The following AGAP1 variants were observed in gnomAD, a reference collection of about 807,000 sequenced individuals.
AGAP1 encodes the protein arf-GAP with GTPase, ANK repeat and PH domain-containing protein 1.
A neutral mutation model predicts 105.3 loss-of-function variants in AGAP1; 29 were observed. That is an observed-to-expected ratio of 0.28 (90% confidence interval 0.21 to 0.38). AGAP1 has a LOEUF of 0.38. AGAP1 is among the 10% of genes least tolerant of loss of function. The pLI, the probability that AGAP1 is intolerant of heterozygous loss-of-function variation, is 1.00. For synonymous variants in AGAP1, 509 were observed against 485.9 expected (o/e 1.05, Z -0.63); for missense variants, 998 against 1,165.1 (o/e 0.86, Z 2.09).
At position 235,586,552 on chromosome 2, in the gene AGAP1, A is replaced by T. The variant is rs536000778; in HGVS notation, c.163+91703A>T. On this transcript the variant is annotated intron_variant, in intron 1 of 17. Transcript: ENST00000304032. The surrounding 1 kb of genome is among the most constrained non-coding windows in gnomAD (Gnocchi z 4.2). The stretch of plus-strand genomic sequence containing the variant: ...TCCATGCAGAGGCTGACTCCAGAGG[A>T]TGCTGTGCACAGGCCTGTGTGACCT... 2.6e-5 allele frequency among the ~76,000 whole-genome samples: 4 copies of T among 152,272 alleles called. No homozygotes were observed. In the East Asian group the frequency reaches 5.8e-4, roughly 22 times the overall value.
rs1336149245 is a variant in AGAP1, at chr2:236,119,118, C to T, written c.2115-1074C>T. 1.3e-5 allele frequency among the ~76,000 whole-genome samples: 2 copies of T among 152,140 alleles called. No individual in the cohort carries two copies. The highest frequency in any genetic ancestry group is 6.5e-5 in the Admixed American group (1 of 15,282). ...CCCCAGGAGGAGACCATGTATTACA[C>T]TGGCCAGGTCGGGCAGCCCCATCTC... On this transcript the variant is annotated intron_variant, in intron 16 of 17. Transcript: ENST00000304032. This position sits in a 1 kb window ranked among gnomAD's most constrained non-coding sequence, Gnocchi z 6.6.
In AGAP1 at chr2:236,096,594, T is replaced by A. The variant is rs1308967200; in HGVS notation, c.2115-23598T>A. ...TATTTTTTATTTATTTTTTATTTTT[T>A]TGGGACAGAGTCTCGCTCTTGTCAC... On this transcript the variant is annotated intron_variant, in intron 16 of 17. Transcript: ENST00000304032. The surrounding 1 kb of genome is among the most constrained non-coding windows in gnomAD (Gnocchi z 4.4). 6.6e-6 allele frequency among the ~76,000 whole-genome samples: 1 copy of A among 152,032 alleles called. No homozygotes were observed. Among genetic ancestry groups the A allele is most frequent in the Admixed American group, 6.6e-5 (1 of 15,264 alleles).
At chr2:236,052,278 G>A (rs959905611) in intron 16 of AGAP1, among the ~76,000 whole-genome samples, 6 of 152,216 alleles carry the variant, frequency 3.9e-5, no homozygotes, top group Non-Finnish European at 8.8e-5. Context: ...CATTCTGACA[G>A]TGGAATATAA....
chr2:235,968,822 C>T (rs1335473469), intron 13 of AGAP1, among the ~76,000 whole-genome samples, 199 bp downstream of exon 13: 1 of 152,186 alleles, frequency 6.6e-6, no homozygotes, highest in Non-Finnish European at 1.5e-5. Context: ...TATTACGCAA[C>T]CAAATCTGCT....
chr2:235,702,946 T>TTTTTTTTTTTTTTTTTTTTTTTTTTTG, intron 1 of AGAP1, among the ~76,000 whole-genome samples: 1 of 146,848 alleles, frequency 6.8e-6, no homozygotes, highest in Non-Finnish European at 1.5e-5. Flanking sequence ...TTTTTTTTTT[T>TTTTTTTTTTTTTTTTTTTTTTTTTTTG]GGACAGAGTC....
At chr2:235,537,660 TGTA>T (rs757319396) in intron 1 of AGAP1, among the ~76,000 whole-genome samples, 3 of 152,354 alleles carry the variant, frequency 2.0e-5, no homozygotes, top group Admixed American at 1.3e-4. Flanking sequence ...ATATTGATCC[TGTA>T]GTGCTTTCAC....
intron 1 of AGAP1, among the ~76,000 whole-genome samples, chr2:235,680,062 TTAGA>T (rs1352296417): frequency 1.1e-4 from 16 of 152,324 alleles, no homozygotes; most frequent in Admixed American, 3.9e-4. Flanking sequence ...TGTTACAAAC[TTAGA>T]TAGTGGTTGA....
At position 235,663,548 on chromosome 2, in the gene AGAP1, G is replaced by C. The variant is rs912332455; in HGVS notation, c.164-45631G>C. ...GTAAAATCACGCTCTTCCAGAAGCT[G>C]GGCTTTGTAATGGGGCTGGCAAAAA... On this transcript the variant is annotated intron_variant, in intron 1 of 17. Coordinates refer to ENST00000304032, the MANE Select transcript of AGAP1 (RefSeq NM_001037131.3). This position sits in a 1 kb window ranked among gnomAD's most constrained non-coding sequence, Gnocchi z 5.4. 6.6e-6 allele frequency among the ~76,000 whole-genome samples: 1 copy of C among 152,188 alleles called. No individual in the cohort carries two copies. Among genetic ancestry groups the C allele is most frequent in the African/African-American group, 2.4e-5 (1 of 41,436 alleles).
At chr2:235,521,134 G>A (rs1942596877) in intron 1 of AGAP1, among the ~76,000 whole-genome samples, 1 of 152,202 alleles carries the variant, frequency 6.6e-6, no homozygotes, top group African/African-American at 2.4e-5. Context: ...GCTTCCAACA[G>A]TGTGACCACC....
Position 236,120,675 on chromosome 2 carries a change from G to A in AGAP1, c.2370+228G>A, listed in dbSNP as rs2125977592. Among the ~76,000 whole-genome samples the A allele has an allele frequency of 6.6e-6, 1 of 152,306 alleles. No homozygotes were observed. The highest frequency in any genetic ancestry group is 2.4e-5 in the African/African-American group (1 of 41,568). ...TTCTGAAAATTGCAACTTTGTGATTGCCCCTTATCAAGCAGGGTTGGTGCT... is the reference window on the plus strand; with the variant it reads ...TTCTGAAAATTGCAACTTTGTGATTACCCCTTATCAAGCAGGGTTGGTGCT... On this transcript the variant is annotated intron_variant, in intron 17 of 17. Transcript: ENST00000304032. The surrounding 1 kb of genome is among the most constrained non-coding windows in gnomAD (Gnocchi z 6.0).
intron 3 of AGAP1, 91 bp downstream of exon 3, chr2:235,717,735 A>C: frequency 9.3e-7 from 1 of 1,080,166 alleles, no homozygotes; most frequent in South Asian, 1.5e-5. Flanking sequence ...TTGATGTATC[A>C]CAGGTCAAGA....
rs145265211 is a variant in AGAP1, at chr2:235,831,520, A to G, written c.1050+24189A>G. Among the ~76,000 whole-genome samples, 809 of 152,288 alleles carry G rather than the reference A, an allele frequency of 5.3e-3. 3 individuals carry two copies. The highest frequency in any genetic ancestry group is 0.014 in the Middle Eastern group (4 of 294). ...AATCACAGATCTTTTTACTGCCTCT[A>G]TAGTTTTTCCTTTGCCAGGATGCCA... is the stretch of plus-strand genomic sequence containing the variant. On this transcript the variant is annotated intron_variant, in intron 9 of 17. Coordinates refer to ENST00000304032, the MANE Select transcript of AGAP1 (RefSeq NM_001037131.3).
intron 1 of AGAP1, among the ~76,000 whole-genome samples, chr2:235,683,897 T>A (rs994870885): frequency 6.8e-6 from 1 of 147,802 alleles, no homozygotes; most frequent in African/African-American, 2.5e-5. Flanking sequence ...CCGCCCTGTG[T>A]CCATGTCTTC....
intron 9 of AGAP1, among the ~76,000 whole-genome samples, chr2:235,841,259 C>T (rs1008174917): frequency 5.3e-5 from 8 of 152,060 alleles, no homozygotes; most frequent in Non-Finnish European, 8.8e-5. Flanking sequence ...GATACAGTGG[C>T]GAACTGTTCC....
chr2:235,528,997 C>T (rs1467874810), intron 1 of AGAP1, among the ~76,000 whole-genome samples: 1 of 152,136 alleles, frequency 6.6e-6, no homozygotes, highest in African/African-American at 2.4e-5. Context: ...TTTTTGTGAT[C>T]ATTGTCTGGC....
rs1204697144 is a variant in AGAP1, at chr2:235,600,427, T to C, written c.163+105578T>C. ...TCTGCCCTATAGACCCCCATACTCCTGTAGATACCCCCTCATTACAGACCC... is the reference window on the plus strand; with the variant it reads ...TCTGCCCTATAGACCCCCATACTCCCGTAGATACCCCCTCATTACAGACCC... On this transcript the variant is annotated intron_variant, in intron 1 of 17. Transcript: ENST00000304032. This position sits in a 1 kb window ranked among gnomAD's most constrained non-coding sequence, Gnocchi z 4.8. Among the ~76,000 whole-genome samples, 1 of 152,042 alleles carries C rather than the reference T, an allele frequency of 6.6e-6. No individual in the cohort carries two copies. The highest frequency in any genetic ancestry group is 1.5e-5 in the Non-Finnish European group (1 of 67,988).
Position 236,049,409 on chromosome 2 carries a change from A to G in AGAP1, c.2114+128A>G, listed in dbSNP as rs186096084. On this transcript the variant is annotated intron_variant, in intron 16 of 17. Coordinates refer to ENST00000304032, the MANE Select transcript of AGAP1 (RefSeq NM_001037131.3). ...TGTAGGAATTCGGGAATTCCGATTC[A>G]TCCGGCATAGGAATGTCTGTGTTTA... The G allele has an allele frequency of 8.0e-5, 65 of 809,736 alleles. No individual in the cohort carries two copies. The East Asian group carries it at 1.6e-3, about 20-fold the overall frequency. The allele number at this position is 809,736 out of a possible 1,614,324, so 50.2% of individuals were successfully genotyped here.
Position 235,732,917 on chromosome 2 carries a change from C to G in AGAP1, c.311-8046C>G, listed in dbSNP as rs1366133359. 6.6e-6 allele frequency among the ~76,000 whole-genome samples: 1 copy of G among 152,176 alleles called. No homozygotes were observed. The highest frequency in any genetic ancestry group is 1.5e-5 in the Non-Finnish European group (1 of 68,030). On this transcript the variant is annotated intron_variant, in intron 3 of 17. Coordinates refer to ENST00000304032, the MANE Select transcript of AGAP1 (RefSeq NM_001037131.3). This position sits in a 1 kb window ranked among gnomAD's most constrained non-coding sequence, Gnocchi z 4.8. ...CCTCAGCCACCTCCCCCAGCCAGCC[C>G]CAGGGGTGTTGGGGGCATCTTTCGA...
chr2:235,778,667 T>C (rs1016274843), intron 6 of AGAP1, among the ~76,000 whole-genome samples: 2 of 152,174 alleles, frequency 1.3e-5, no homozygotes, highest in Non-Finnish European at 2.9e-5. Flanking sequence ...GGTCCTCATC[T>C]GGGAAACTGG....
Sources: gnomAD v4.1 joint callset for allele counts (sites outside exome capture counted in the v4.1 genomes callset) on GRCh38, gnomAD v4.1.1 for gene constraint, Gnocchi (gnomAD v3.1) non-coding constraint, MANE v1.5 for transcripts, NCBI Gene and HGNC (gene_info 2026-07-23, HGNC 2026-07-21) for gene names.